STK3: variants seen among roughly 807,000 people sequenced by gnomAD.
STK3 encodes the protein serine/threonine-protein kinase 3.
A neutral mutation model predicts 58.0 loss-of-function variants in STK3; 41 were observed. The observed-to-expected ratio is 0.71, with a 90% confidence interval of 0.55 to 0.92. The LOEUF (loss-of-function observed/expected upper bound fraction) is 0.92. Ranked by LOEUF, STK3 falls within the 40% of genes least tolerant of loss-of-function variation. The pLI is 0.00. For missense variants in STK3, 479 were observed against 602.7 expected (o/e 0.79, Z 2.15); for synonymous variants, 170 against 191.0 (o/e 0.89, Z 0.91).
chr8:98,577,770 T>A (rs1202479865), intron 8 of STK3, among the ~76,000 whole-genome samples: 4 of 152,142 alleles, frequency 2.6e-5, no homozygotes, highest in African/African-American at 9.7e-5. Flanking sequence ...AATCTACAAA[T>A]ACCATGATAA....
intron 1 of STK3, among the ~76,000 whole-genome samples, chr8:98,788,893 A>C (rs927113796): frequency 2.0e-5 from 3 of 152,234 alleles, no homozygotes; most frequent in Non-Finnish European, 4.4e-5. Flanking sequence ...GATTTAAACT[A>C]TACCCTGGAA....
At chr8:98,582,465 TA>T in intron 7 of STK3, among the ~76,000 whole-genome samples, 1 of 152,138 alleles carries the variant, frequency 6.6e-6, no homozygotes, top group South Asian at 2.1e-4. Flanking sequence ...TATTAACCCC[TA>T]GTTCTTTCCT....
At chr8:98,797,836 CA>C (rs1199880479) in intron 1 of STK3, among the ~76,000 whole-genome samples, 1 of 151,994 alleles carries the variant, frequency 6.6e-6, no homozygotes, top group Non-Finnish European at 1.5e-5. Context: ...AGGCAGATGC[CA>C]CAGAACAACA....
In STK3 at chr8:98,804,244, C is replaced by T. The variant is rs148574987; in HGVS notation, c.26+21271G>A. Among the ~76,000 whole-genome samples, 326 of 152,208 alleles carry T rather than the reference C, an allele frequency of 2.1e-3. 2 individuals carry two copies. The highest frequency in any genetic ancestry group is 7.2e-3 in the African/African-American group (299 of 41,502). ...CTTGAACTCCTGGCCTCAAGTGATC[C>T]GCCCACCTCGGCCTCCCAAAGTGCT... On this transcript the variant is annotated intron_variant, in intron 1 of 10. Transcript: ENST00000419617.
intron 6 of STK3, among the ~76,000 whole-genome samples, chr8:98,645,845 T>A (rs1004466845): frequency 6.6e-6 from 1 of 152,114 alleles, no homozygotes; most frequent in Non-Finnish European, 1.5e-5. Context: ...GATACAGATA[T>A]AGATATCGAG....
intron 4 of STK3, among the ~76,000 whole-genome samples, chr8:98,709,270 A>G (rs1826207637): frequency 6.6e-6 from 1 of 152,150 alleles, no homozygotes; most frequent in Admixed American, 6.5e-5. Flanking sequence ...CTTTAGATTG[A>G]CATTCAAGAA....
At chr8:98,942,509 A>AG (rs1240463422) in exon 1 of STK3, 7 of 152,304 alleles carry the variant, frequency 4.6e-5, no homozygotes, top group African/African-American at 1.7e-4. Context: ...TTGCGGAAAG[A>AG]GGGAGCAGCT....
intron 4 of STK3, among the ~76,000 whole-genome samples, chr8:98,720,540 G>A (rs986370110): frequency 6.6e-6 from 1 of 152,086 alleles, no homozygotes; most frequent in Non-Finnish European, 1.5e-5. Context: ...CACAAGGTCA[G>A]GAGATCGAGA....
chr8:98,756,802 A>G (rs563308971), intron 3 of STK3, among the ~76,000 whole-genome samples: 2 of 152,268 alleles, frequency 1.3e-5, no homozygotes, highest in South Asian at 4.1e-4. Context: ...ACACCAACCT[A>G]TCTAAAGCCC....
rs975215138 is a variant in STK3, at chr8:98,720,467, G to C, written c.352-13156C>G. On this transcript the variant is annotated intron_variant, in intron 4 of 10. Coordinates refer to ENST00000419617, the MANE Select transcript of STK3 (RefSeq NM_006281.4). ...GAATTAGTCTAATATAAGAAAAACT[G>C]GGGCCAGGCACGGTGGCTCACGCCT... 2.6e-5 allele frequency among the ~76,000 whole-genome samples: 4 copies of C among 152,134 alleles called. No homozygotes were observed. The South Asian group carries it at 8.3e-4, about 32-fold the overall frequency.
chr8:98,395,472 G>A (rs1817889447), intron 3 of STK3, among the ~76,000 whole-genome samples: 1 of 152,176 alleles, frequency 6.6e-6, no homozygotes. Flanking sequence ...TAACATAAAT[G>A]TTGACACTAA....
chr8:98,779,154 C>A (rs1831923952), intron 1 of STK3, among the ~76,000 whole-genome samples: 1 of 151,866 alleles, frequency 6.6e-6, no homozygotes, highest in Admixed American at 6.6e-5. Flanking sequence ...AAAAAAAAAC[C>A]ACACAGTGTA....
intron 8 of STK3, among the ~76,000 whole-genome samples, chr8:98,564,060 T>C (rs565132493): frequency 2.0e-5 from 3 of 152,172 alleles, no homozygotes; most frequent in African/African-American, 7.2e-5. Flanking sequence ...AGTCATGTGA[T>C]CCTGGTTAAC....
At chr8:98,570,463 T>G (rs1392978747) in intron 8 of STK3, among the ~76,000 whole-genome samples, 1 of 152,080 alleles carries the variant, frequency 6.6e-6, no homozygotes, top group African/African-American at 2.4e-5. Context: ...TTTTTAATTT[T>G]AAAACTAGAT....
intron 6 of STK3, among the ~76,000 whole-genome samples, chr8:98,662,950 A>T (rs1158048568): frequency 3.3e-5 from 5 of 152,162 alleles, no homozygotes. Flanking sequence ...AGGCAATACC[A>T]TTCAGGACAT....
chr8:98,515,482 T>C (rs1824858937), intron 10 of STK3, among the ~76,000 whole-genome samples: 1 of 152,134 alleles, frequency 6.6e-6, no homozygotes, highest in Admixed American at 6.6e-5. Flanking sequence ...TATTCCTACT[T>C]TATTCGAATG....
At chr8:98,846,856 TACACACACACAC>T (rs374739035) in intron 3 of STK3, among the ~76,000 whole-genome samples, 26 of 143,322 alleles carry the variant, frequency 1.8e-4, no homozygotes, top group Non-Finnish European at 3.5e-4. Context: ...TTCAGGATCC[TACACACACACAC>T]ACACACACAC....
At chr8:98,359,344 T>TAAAAA in the STK3 span, among the ~76,000 whole-genome samples, 59 of 55,714 alleles carry the variant, frequency 1.1e-3, 3 homozygotes, top group African/African-American at 6.6e-4. Context: ...CCATCTCAAC[T>TAAAAA]AAAAAAAAAA....
chr8:98,502,516 C>T (rs892120944), intron 10 of STK3, among the ~76,000 whole-genome samples: 14 of 152,150 alleles, frequency 9.2e-5, no homozygotes, highest in Admixed American at 2.0e-4. Context: ...AGTTTTTGCC[C>T]ATTCAGTATG....
Sources: allele counts gnomAD v4.1 joint callset (sites outside exome capture counted in the v4.1 genomes callset), GRCh38; gene constraint gnomAD v4.1.1; transcripts MANE v1.5; gene names NCBI Gene and HGNC (gene_info 2026-07-23, HGNC 2026-07-21).